Variants in ERC2 observed in about 807,000 individuals in gnomAD.
ERC2 encodes ERC protein 2.
Under a neutral mutation model 114.8 loss-of-function variants are expected in ERC2, and 42 were observed. That is an observed-to-expected ratio of 0.37 (90% CI 0.29 to 0.47). The LOEUF (loss-of-function observed/expected upper bound fraction) is 0.47, where lower values mean the gene tolerates loss of function less well. Among genes scored for constraint, ERC2 ranks in the 20% least tolerant of loss-of-function variants. The pLI, the probability that ERC2 is intolerant of heterozygous loss-of-function variation, is 0.99. For synonymous variants in ERC2, 454 were observed against 425.5 expected, an observed-to-expected ratio of 1.07 and a Z score of -0.82; for missense variants, 939 against 1,150.7, an observed-to-expected ratio of 0.82 and a Z score of 2.66.
chr3:55,814,608 G>A (rs2059841861), intron 14 of ERC2, among the ~76,000 whole-genome samples: 1 of 152,224 alleles, frequency 6.6e-6, no homozygotes, highest in East Asian at 1.9e-4. Flanking sequence ...GGCTGAGGTG[G>A]TCAATCTTTC....
intron 1 of ERC2, among the ~76,000 whole-genome samples, chr3:56,445,335 C>T (rs1878268): frequency 0.34 from 51,989 of 151,996 alleles, 9,226 homozygotes; most frequent in Admixed American, 0.48. Context: ...TTTTACAATT[C>T]ATTCTTTTAC....
chr3:55,765,658 G>A (rs1197223389), intron 14 of ERC2, among the ~76,000 whole-genome samples: 1 of 152,198 alleles, frequency 6.6e-6, no homozygotes, highest in African/African-American at 2.4e-5. Flanking sequence ...CCCTGAGGTT[G>A]AGGGAGCAGC....
At chr3:56,032,627 A>G (rs2074436565) in intron 7 of ERC2, among the ~76,000 whole-genome samples, 1 of 152,078 alleles carries the variant, frequency 6.6e-6, no homozygotes. Flanking sequence ...GATAATTTTA[A>G]AAGCATCAAG....
intron 2 of ERC2, among the ~76,000 whole-genome samples, chr3:56,395,642 G>A (rs1383184294): frequency 6.6e-6 from 1 of 152,196 alleles, no homozygotes; most frequent in Non-Finnish European, 1.5e-5. Context: ...CCCTTTTCCT[G>A]TTGGCCCTCT....
At chr3:55,751,691 C>A (rs1025247078) in intron 14 of ERC2, among the ~76,000 whole-genome samples, 2 of 152,092 alleles carry the variant, frequency 1.3e-5, no homozygotes, top group Non-Finnish European at 2.9e-5. Flanking sequence ...AGGCTGAGGC[C>A]AAGTTAGTAA....
At chr3:56,339,160 T>C (rs2057984873) in intron 2 of ERC2, among the ~76,000 whole-genome samples, 2 of 152,188 alleles carry the variant, frequency 1.3e-5, no homozygotes, top group South Asian at 4.1e-4. Flanking sequence ...CATGCAAGTC[T>C]TTCTCTTAAG....
chr3:55,585,154 G>A (rs187212563), intron 17 of ERC2, among the ~76,000 whole-genome samples: 43 of 152,248 alleles, frequency 2.8e-4, no homozygotes, highest in Admixed American at 1.1e-3. Context: ...CCATCCATTC[G>A]GTCCAGATTC....
rs572631002 is a variant in ERC2, at chr3:56,096,676, C to T, written c.1474-15692G>A. 3.1e-4 allele frequency among the ~76,000 whole-genome samples: 47 copies of T among 152,032 alleles called. 1 individual carries two copies. Among genetic ancestry groups the T allele is most frequent in the South Asian group, 6.2e-4 (3 of 4,824 alleles). On this transcript the variant is annotated intron_variant, in intron 6 of 17. Coordinates refer to ENST00000288221, the MANE Select transcript of ERC2 (RefSeq NM_015576.3). ...AGAAGTGTCACTTATACATGTAAGG[C>T]GTTTATTATGTACATTTATATATTA...
intron 6 of ERC2, among the ~76,000 whole-genome samples, chr3:56,125,603 C>A (rs976686927): frequency 3.9e-5 from 6 of 152,314 alleles, no homozygotes; most frequent in Non-Finnish European, 5.9e-5. Flanking sequence ...ACATAAAAAG[C>A]CCAACTGATT....
chr3:55,983,982 A>G (rs1228326236), intron 12 of ERC2, among the ~76,000 whole-genome samples: 2 of 152,204 alleles, frequency 1.3e-5, no homozygotes, highest in Non-Finnish European at 2.9e-5. Context: ...CTAGGACTCT[A>G]AAGACTTTTT....
intron 17 of ERC2, among the ~76,000 whole-genome samples, chr3:55,619,139 A>G (rs2059234642): frequency 6.6e-6 from 1 of 152,236 alleles, no homozygotes; most frequent in South Asian, 2.1e-4. Flanking sequence ...TTAATAAAAC[A>G]GGAACAGTTC....
Position 56,337,630 on chromosome 3 carries a change from A to G in ERC2, c.658-41195T>C, listed in dbSNP as rs527405236. ...TGCCACCAAAATTGGGGATTAGATGAGGTACAGAAAAAAAAACACTGCTGG... is the reference window on the plus strand; with the variant it reads ...TGCCACCAAAATTGGGGATTAGATGGGGTACAGAAAAAAAAACACTGCTGG... On this transcript the variant is annotated intron_variant, in intron 2 of 17. Transcript: ENST00000288221. 1.6e-3 allele frequency among the ~76,000 whole-genome samples: 244 copies of G among 152,328 alleles called. 1 individual carries two copies. The highest frequency in any genetic ancestry group is 1.1e-3 in the Non-Finnish European group (75 of 68,020).
At chr3:55,988,564 A>C (rs1460241681) in intron 11 of ERC2, among the ~76,000 whole-genome samples, 16 of 152,200 alleles carry the variant, frequency 1.1e-4, no homozygotes, top group Admixed American at 1.0e-3. Flanking sequence ...CTTCTGAGAG[A>C]GGAGGGGGCC....
chr3:56,022,425 T>A (rs2149598253), intron 7 of ERC2, among the ~76,000 whole-genome samples: 1 of 152,298 alleles, frequency 6.6e-6, no homozygotes, highest in East Asian at 1.9e-4. Context: ...TTAAGTGACT[T>A]TTGAACAATA....
intron 11 of ERC2, among the ~76,000 whole-genome samples, chr3:55,991,752 G>T (rs1159522221): frequency 6.6e-6 from 1 of 152,146 alleles, no homozygotes; most frequent in East Asian, 1.9e-4. Flanking sequence ...CTGAGGTTTT[G>T]GGTAGTCAAA....
At chr3:56,083,886 G>T (rs940415505) in intron 6 of ERC2, among the ~76,000 whole-genome samples, 1 of 151,662 alleles carries the variant, frequency 6.6e-6, no homozygotes, top group South Asian at 2.1e-4. Context: ...AACAAGAAGA[G>T]TTAAAAGGGT....
At chr3:56,122,645 C>T (rs1304519796) in intron 6 of ERC2, among the ~76,000 whole-genome samples, 1 of 152,086 alleles carries the variant, frequency 6.6e-6, no homozygotes, top group East Asian at 1.9e-4. Flanking sequence ...GTAAAGAGGG[C>T]TTATGAGGGA....
At chr3:56,408,457 G>A (rs1327665908) in intron 2 of ERC2, among the ~76,000 whole-genome samples, 2 of 151,700 alleles carry the variant, frequency 1.3e-5, no homozygotes, top group Non-Finnish European at 2.9e-5. Context: ...ATTCCCTGGG[G>A]ACTCCCTCCC....
rs58751787 is a variant in ERC2 at position 56,305,512 on chromosome 3, C to CCACACACA, written c.658-9085_658-9078dup. Among the ~76,000 whole-genome samples, 1,099 of 144,412 alleles carry CCACACACA rather than the reference C, an allele frequency of 7.6e-3. 9 individuals are homozygous for CCACACACA. The highest frequency in any genetic ancestry group is 0.017 in the African/African-American group (676 of 38,700). 94.7% of individuals were successfully genotyped at this position (144,412 alleles called of 152,430 possible). ...AGCATTTTATACCCCACTCTCTTATCCACACACACACACACACACACACAC... is the reference window on the plus strand; with the variant it reads ...AGCATTTTATACCCCACTCTCTTATCCACACACACACACACACACACACACACACACAC... On this transcript the variant is annotated intron_variant, in intron 2 of 17. Transcript: ENST00000288221.
Sources: allele counts gnomAD v4.1 joint callset (sites outside exome capture counted in the v4.1 genomes callset), GRCh38; gene constraint gnomAD v4.1.1; transcripts MANE v1.5; gene names NCBI Gene and HGNC (gene_info 2026-07-23, HGNC 2026-07-21).